The following THSD7B variants were observed in gnomAD, a reference collection of about 807,000 sequenced individuals.
The protein encoded by THSD7B is thrombospondin type 1 domain containing 7B.
THSD7B carries 138 observed loss-of-function variants against 213.6 expected under a neutral mutation model. The observed-to-expected ratio is 0.65, with a 90% CI of 0.56 to 0.74. THSD7B has a LOEUF of 0.74. Ranked by LOEUF, THSD7B falls within the 30% of genes least tolerant of loss-of-function variation. The pLI is 0.00. For synonymous variants in THSD7B, 742 were observed against 687.0 expected (o/e 1.08, Z -1.25); for missense variants, 1,931 against 1,991.5 (o/e 0.97, Z 0.58).
intron 15 of THSD7B, among the ~76,000 whole-genome samples, chr2:137,530,318 A>G (rs1490248530): frequency 2.0e-5 from 3 of 151,976 alleles, no homozygotes; most frequent in African/African-American, 7.2e-5. Context: ...TAAATCATTT[A>G]TGAGATTTTC....
chr2:137,008,407 A>T (rs1686157363), intron 2 of THSD7B, among the ~76,000 whole-genome samples: 1 of 152,144 alleles, frequency 6.6e-6, no homozygotes, highest in Non-Finnish European at 1.5e-5. Context: ...AAGTCATTCA[A>T]CCCTAAGGGT....
intron 5 of THSD7B, among the ~76,000 whole-genome samples, chr2:137,137,255 C>A (rs932207248): frequency 6.6e-6 from 1 of 152,158 alleles, no homozygotes; most frequent in African/African-American, 2.4e-5. Context: ...AGGTTTCCTT[C>A]CGCCCCTTCC....
intron 12 of THSD7B, among the ~76,000 whole-genome samples, chr2:137,304,961 A>T (rs1416748273): frequency 2.0e-5 from 3 of 152,174 alleles, no homozygotes; most frequent in African/African-American, 4.8e-5. Flanking sequence ...TCTTGAGGAT[A>T]TACCCATGGG....
intron 17 of THSD7B, among the ~76,000 whole-genome samples, chr2:137,611,154 TCATTA>T (rs1682282648): frequency 6.6e-6 from 1 of 151,974 alleles, no homozygotes; most frequent in Non-Finnish European, 1.5e-5. Flanking sequence ...TAAGAATTTA[TCATTA>T]CATTAGTGGC....
rs1683376891 is a variant in THSD7B, at chr2:136,868,176, GT to G, written c.-35-13964del. On this transcript the variant is annotated intron_variant, in intron 1 of 27. Transcript: ENST00000409968. Reference sequence around the variant, plus strand: ...GATGCAAGTTGAAATAATATAATTTGTTTTCCACTGGTCAAACATGTTCTTG... The same window carrying G: ...GATGCAAGTTGAAATAATATAATTTGTTTCCACTGGTCAAACATGTTCTTG... Among the ~76,000 whole-genome samples, 5 of 151,728 alleles carry G rather than the reference GT, an allele frequency of 3.3e-5. No individual in the cohort carries two copies. The South Asian group carries it at 1.0e-3, about 32-fold the overall frequency.
At chr2:136,966,937 C>T (rs1000367838) in intron 2 of THSD7B, among the ~76,000 whole-genome samples, 2 of 152,136 alleles carry the variant, frequency 1.3e-5, no homozygotes, top group Non-Finnish European at 2.9e-5. Flanking sequence ...CTTCCCCTCC[C>T]CTACTAAACT....
chr2:137,428,246 C>T (rs963357948), intron 14 of THSD7B, among the ~76,000 whole-genome samples: 1 of 151,994 alleles, frequency 6.6e-6, no homozygotes, highest in Non-Finnish European at 1.5e-5. Context: ...AGACCAAAGC[C>T]CAATGAGATA....
rs548629222 is a variant in THSD7B at position 137,485,971 on chromosome 2, G to T, written c.3138+34948G>T. ...GAGAGATTTTGTCACCACCAGGCCT[G>T]CCCTAAAAGAGCTCCTGAAGGAAGC... On this transcript the variant is annotated intron_variant, in intron 15 of 27. Transcript: ENST00000409968. Among the ~76,000 whole-genome samples, 114 of 152,208 alleles carry T rather than the reference G, an allele frequency of 7.5e-4. 2 individuals carry two copies. Among genetic ancestry groups the T allele is most frequent in the African/African-American group, 2.5e-3 (102 of 41,552 alleles).
chr2:137,479,082 G>T (rs767727787), intron 15 of THSD7B, among the ~76,000 whole-genome samples: 9 of 152,150 alleles, frequency 5.9e-5, no homozygotes, highest in Non-Finnish European at 1.3e-4. Context: ...GGCCTGGTAG[G>T]TGGACAGGTT....
At chr2:137,186,181 G>C (rs1171865361) in intron 7 of THSD7B, among the ~76,000 whole-genome samples, 1 of 152,108 alleles carries the variant, frequency 6.6e-6, no homozygotes, top group Non-Finnish European at 1.5e-5. Context: ...TCTATAGGAT[G>C]TCTGTTTACT....
chr2:137,273,115 T>C (rs1682787201), intron 11 of THSD7B, among the ~76,000 whole-genome samples: 1 of 151,676 alleles, frequency 6.6e-6, no homozygotes, highest in African/African-American at 2.4e-5. Context: ...CTAACATCTT[T>C]AATCAAGAAT....
intron 12 of THSD7B, among the ~76,000 whole-genome samples, chr2:137,388,364 A>C (rs1240888293): frequency 6.6e-6 from 1 of 151,526 alleles, no homozygotes; most frequent in African/African-American, 2.4e-5. Context: ...AAGGAGAGTG[A>C]CCCTTAATTC....
chr2:137,064,204 T>C (rs1022969536), intron 3 of THSD7B, among the ~76,000 whole-genome samples: 2 of 152,098 alleles, frequency 1.3e-5, no homozygotes, highest in Non-Finnish European at 2.9e-5. Context: ...TCATTTTAAC[T>C]GGGATGAGAT....
intron 15 of THSD7B, among the ~76,000 whole-genome samples, chr2:137,493,868 T>C (rs992420631): frequency 1.3e-5 from 2 of 152,196 alleles, no homozygotes; most frequent in Non-Finnish European, 2.9e-5. Context: ...TGATACCCTT[T>C]GTGTCGTTTG....
In THSD7B at chr2:137,606,454, G is replaced by A. The variant is rs151120627; in HGVS notation, c.3424-9721G>A. On this transcript the variant is annotated intron_variant, in intron 17 of 27. Transcript: ENST00000409968. ...GGAAGAAGAAAGGAAAAGGTGAAGC[G>A]TGAAATCCCAAACACATTCTAGATC... Among the ~76,000 whole-genome samples, 10 of 152,236 alleles carry A rather than the reference G, an allele frequency of 6.6e-5. No individual in the cohort carries two copies. The East Asian group carries it at 1.6e-3, about 24-fold the overall frequency.
chr2:137,304,637 C>G (rs938863762), intron 12 of THSD7B, among the ~76,000 whole-genome samples: 1 of 152,034 alleles, frequency 6.6e-6, no homozygotes, highest in South Asian at 2.1e-4. Context: ...AGTTTCTTCA[C>G]TGGTATATGT....
intron 2 of THSD7B, among the ~76,000 whole-genome samples, chr2:136,965,310 G>A (rs2105090005): frequency 6.6e-6 from 1 of 152,278 alleles, no homozygotes; most frequent in Admixed American, 6.5e-5. Context: ...TTTACTTTTA[G>A]ACAGATAATA....
chr2:137,004,053 C>A (rs1005175300), intron 2 of THSD7B, among the ~76,000 whole-genome samples: 4 of 152,032 alleles, frequency 2.6e-5, no homozygotes, highest in Non-Finnish European at 5.9e-5. Context: ...AGCTGCAATT[C>A]CAATGTTGCT....
chr2:137,173,745 G>T (rs1680311180), intron 7 of THSD7B, among the ~76,000 whole-genome samples: 1 of 152,134 alleles, frequency 6.6e-6, no homozygotes, highest in Admixed American at 6.6e-5. Flanking sequence ...TGAAAATGTG[G>T]TCTGGTTACA....
Sources: allele counts gnomAD v4.1 joint callset (sites outside exome capture counted in the v4.1 genomes callset), GRCh38; gene constraint gnomAD v4.1.1; transcripts MANE v1.5; gene names NCBI Gene and HGNC (gene_info 2026-07-23, HGNC 2026-07-21).